The following PHACTR1 variants were observed in gnomAD, a reference collection of about 807,000 sequenced individuals.
The protein encoded by PHACTR1 is phosphatase and actin regulator 1.
A neutral mutation model predicts 69.2 loss-of-function variants in PHACTR1; 16 were observed. The ratio of observed to expected loss-of-function variants is 0.23; its 90% CI spans 0.16 to 0.35. PHACTR1 has a LOEUF of 0.35. PHACTR1 is among the 10% of genes least tolerant of loss of function. The probability of loss-of-function intolerance (pLI) is 1.00; values close to 1 mark genes in which losing one functional copy is unlikely to be tolerated. For missense variants in PHACTR1, 510 were observed against 734.7 expected (o/e 0.69, Z 3.54); for synonymous variants, 312 against 284.5 (o/e 1.10, Z -0.97).
chr6:13,167,590 C>T (rs1051542875), intron 6 of PHACTR1, among the ~76,000 whole-genome samples: 4 of 152,098 alleles, frequency 2.6e-5, no homozygotes, highest in Non-Finnish European at 5.9e-5. Flanking sequence ...GGTAATCCTA[C>T]AGGGAGGGGA....
At chr6:13,249,934 A>G (rs1457933458) in intron 10 of PHACTR1, among the ~76,000 whole-genome samples, 2 of 152,206 alleles carry the variant, frequency 1.3e-5, no homozygotes, top group East Asian at 3.8e-4. Context: ...GCTTCAAGGA[A>G]ATAGTTTTCA....
intron 4 of PHACTR1, among the ~76,000 whole-genome samples, chr6:12,798,304 C>G (rs908784013): frequency 5.9e-5 from 9 of 152,132 alleles, no homozygotes; most frequent in African/African-American, 1.9e-4. Context: ...AGGGGGAGAT[C>G]TCTCCAATAT....
chr6:13,035,935 A>G (rs1420016064), intron 4 of PHACTR1, among the ~76,000 whole-genome samples: 1 of 152,228 alleles, frequency 6.6e-6, no homozygotes, highest in Non-Finnish European at 1.5e-5. Context: ...TTATATTACA[A>G]TGATGATATA....
chr6:13,111,870 G>A (rs1192145536), intron 5 of PHACTR1, among the ~76,000 whole-genome samples: 1 of 151,874 alleles, frequency 6.6e-6, no homozygotes, highest in Non-Finnish European at 1.5e-5. Flanking sequence ...TATTTACTAA[G>A]TGCCTTCATT....
At chr6:13,143,602 A>T (rs902349798) in intron 5 of PHACTR1, among the ~76,000 whole-genome samples, 2 of 152,234 alleles carry the variant, frequency 1.3e-5, no homozygotes, top group African/African-American at 2.4e-5. Flanking sequence ...TGCATTTTAA[A>T]GTAAACCTTC....
At chr6:12,904,008 A>G (rs1271803297) in intron 4 of PHACTR1, among the ~76,000 whole-genome samples, 1 of 152,056 alleles carries the variant, frequency 6.6e-6, no homozygotes, top group Non-Finnish European at 1.5e-5. Context: ...TTTAGTGGAG[A>G]GTTTGCTTAT....
intron 7 of PHACTR1, among the ~76,000 whole-genome samples, chr6:13,193,357 G>GTGTATATATA (rs536184609): frequency 9.4e-4 from 64 of 68,198 alleles, no homozygotes; most frequent in African/African-American, 2.6e-3. Context: ...AGCTCTCTGT[G>GTGTATATATA]TATATATATA....
chr6:12,999,844 T>G (rs1013956336), intron 4 of PHACTR1, among the ~76,000 whole-genome samples: 2 of 152,224 alleles, frequency 1.3e-5, no homozygotes, highest in African/African-American at 4.8e-5. Flanking sequence ...ATATCTGTAA[T>G]TTGTATTCCT....
intron 10 of PHACTR1, among the ~76,000 whole-genome samples, chr6:13,237,000 T>C (rs1321232319): frequency 6.6e-6 from 1 of 152,154 alleles, no homozygotes; most frequent in Non-Finnish European, 1.5e-5. Context: ...CAACCCCCTG[T>C]TGTTTTGCAA....
chr6:13,099,333 GCTGT>G (rs1315769386), intron 5 of PHACTR1, among the ~76,000 whole-genome samples: 3 of 152,198 alleles, frequency 2.0e-5, no homozygotes, highest in South Asian at 2.1e-4. Flanking sequence ...CAAGTTGTAG[GCTGT>G]CTGTCTGTTG....
At chr6:12,839,166 A>T (rs770291023) in intron 4 of PHACTR1, among the ~76,000 whole-genome samples, 1 of 152,200 alleles carries the variant, frequency 6.6e-6, no homozygotes, top group Non-Finnish European at 1.5e-5. Context: ...TCAACCTCAG[A>T]ACCTCAGAAT....
At chr6:13,117,245 C>T (rs7740162) in intron 5 of PHACTR1, among the ~76,000 whole-genome samples, 38,958 of 152,114 alleles carry the variant, frequency 0.26, 5,160 homozygotes, top group South Asian at 0.46. Flanking sequence ...AGACAAGAGA[C>T]CACTTGGTTT....
intron 5 of PHACTR1, among the ~76,000 whole-genome samples, chr6:13,150,988 A>T (rs1824218989): frequency 1.3e-5 from 2 of 152,230 alleles, no homozygotes; most frequent in Non-Finnish European, 2.9e-5. Flanking sequence ...CTCATTACTC[A>T]TGAAGCCAGA....
intron 4 of PHACTR1, among the ~76,000 whole-genome samples, chr6:12,887,230 G>A (rs567420219): frequency 5.3e-5 from 8 of 152,246 alleles, no homozygotes; most frequent in African/African-American, 1.4e-4. Context: ...TCTTCTCCTC[G>A]GGGAATCCTC....
chr6:13,270,227 G>A (rs1265061280), intron 10 of PHACTR1, among the ~76,000 whole-genome samples: 2 of 152,226 alleles, frequency 1.3e-5, no homozygotes, highest in African/African-American at 2.4e-5. Flanking sequence ...TGAACAGCCA[G>A]ATGAAGAGAT....
At chr6:12,733,480 A>G (rs1213458497) in intron 3 of PHACTR1, among the ~76,000 whole-genome samples, 1 of 152,228 alleles carries the variant, frequency 6.6e-6, no homozygotes, top group Non-Finnish European at 1.5e-5. Flanking sequence ...CCAGGATTCA[A>G]ACATGAGTCT....
At chr6:13,266,864 T>A (rs962060552) in intron 10 of PHACTR1, 2 of 152,274 alleles carry the variant, frequency 1.3e-5, no homozygotes, top group African/African-American at 4.8e-5. Context: ...CAATTCAACA[T>A]GTGATTGGCA....
intron 4 of PHACTR1, among the ~76,000 whole-genome samples, chr6:13,005,477 T>C (rs948341902): frequency 2.0e-5 from 3 of 152,174 alleles, no homozygotes; most frequent in African/African-American, 7.2e-5. Context: ...CTTTTACATG[T>C]AAAATGGCTA....
At position 13,230,198 on chromosome 6, in the gene PHACTR1, G is replaced by T; in HGVS notation, c.1391+5G>T. The T allele has an allele frequency of 1.9e-6, 3 of 1,606,162 alleles. No individual in the cohort carries two copies. Among genetic ancestry groups the T allele is most frequent in the South Asian group, 2.2e-5 (2 of 89,128 alleles). On this transcript the variant is annotated splice_donor_5th_base_variant and intron_variant, in intron 10 of 14. Transcript: ENST00000332995. ...GATTGGCACCAAGCTCACCAGGTAG[G>T]ACAGCGGCACCCTCTGCCTCCCTGG...
Sources: gnomAD v4.1 joint callset for allele counts (sites outside exome capture counted in the v4.1 genomes callset) on GRCh38, gnomAD v4.1.1 for gene constraint, MANE v1.5 for transcripts, NCBI Gene and HGNC (gene_info 2026-07-23, HGNC 2026-07-21) for gene names.